Variants in RAD51B observed in about 807,000 individuals in gnomAD.
The protein encoded by RAD51B is RAD51 paralog B, also known as DNA repair protein RAD51 homolog 2.
RAD51B carries 38 observed loss-of-function variants against 42.2 expected under a neutral mutation model. The ratio of observed to expected loss-of-function variants is 0.90; its 90% CI spans 0.70 to 1.18. The LOEUF (loss-of-function observed/expected upper bound fraction) is 1.18, where lower values mean the gene tolerates loss of function less well. Ranked by LOEUF, RAD51B falls within the 50% of genes most tolerant of loss-of-function variation. The pLI, the probability that RAD51B is intolerant of heterozygous loss-of-function variation, is 0.00. For missense variants in RAD51B, 373 were observed against 400.7 expected, an observed-to-expected ratio of 0.93 and a Z score of 0.59; for synonymous variants, 154 against 145.2, an observed-to-expected ratio of 1.06 and a Z score of -0.43.
chr14:68,151,823 CTTTTTTTTTTTTTTTTTTTTTTTT>C (rs71129868), intron 7 of RAD51B, among the ~76,000 whole-genome samples: 23 of 39,992 alleles, frequency 5.8e-4, no homozygotes, highest in Admixed American at 1.6e-3. Flanking sequence ...GTTATAAAGA[CTTTTTTTTTTTTTTTTTTTTTTTT>C]TTTTTTTTTT....
At chr14:68,530,391 G>A (rs1887206077) in intron 10 of RAD51B, among the ~76,000 whole-genome samples, 1 of 136,098 alleles carries the variant, frequency 7.3e-6, no homozygotes. Context: ...AGGCTACAGT[G>A]AGCCATGATT....
In RAD51B at chr14:67,847,894, C is replaced by G. The variant is rs182367889; in HGVS notation, c.315+12698C>G. Reference sequence around the variant, plus strand: ...GTCAGTGGGGTGTTGAAGCCCCCCCCCATTTTTGTGTGGTTGTCTAAGTCT... The same window carrying G: ...GTCAGTGGGGTGTTGAAGCCCCCCCGCATTTTTGTGTGGTTGTCTAAGTCT... On this transcript the variant is annotated intron_variant, in intron 4 of 10. Coordinates refer to ENST00000471583, the MANE Select transcript of RAD51B (RefSeq NM_133510.4). Among the ~76,000 whole-genome samples, 3 of 152,186 alleles carry G rather than the reference C, an allele frequency of 2.0e-5. 1 individual carries two copies. Among genetic ancestry groups the G allele is most frequent in the East Asian group, 3.9e-4 (2 of 5,174 alleles).
intron 10 of RAD51B, among the ~76,000 whole-genome samples, chr14:68,570,297 G>A (rs1232314742): frequency 6.6e-6 from 1 of 152,178 alleles, no homozygotes; most frequent in Non-Finnish European, 1.5e-5. Flanking sequence ...AGGGGAGCCT[G>A]CGATTAGGAG....
intron 7 of RAD51B, among the ~76,000 whole-genome samples, chr14:68,272,655 A>ATTTTTTT (rs2081134331): frequency 6.7e-5 from 1 of 14,936 alleles, no homozygotes; most frequent in African/African-American, 3.4e-4. Flanking sequence ...ATATATATAT[A>ATTTTTTT]TATATATATA....
intron 7 of RAD51B, among the ~76,000 whole-genome samples, chr14:68,193,888 G>T (rs1344315234): frequency 1.3e-5 from 2 of 152,040 alleles, no homozygotes; most frequent in African/African-American, 4.8e-5. Flanking sequence ...TTATCTGTTA[G>T]AAATAATGGG....
rs577005326 is a variant in RAD51B, at chr14:67,824,432, A to AT, written c.84+810dup. On this transcript the variant is annotated intron_variant, in intron 2 of 10. Coordinates refer to ENST00000471583, the MANE Select transcript of RAD51B (RefSeq NM_133510.4). ...GCCACCACACCCAGCTAATTTTTGG[A>AT]TTTTTAGTAGAAACGGGGTTTCACC... Among the ~76,000 whole-genome samples the AT allele has an allele frequency of 6.6e-5, 10 of 152,070 alleles. No individual in the cohort carries two copies. The South Asian group carries it at 2.1e-3, about 32-fold the overall frequency.
chr14:68,323,357 C>T (rs1347628857), intron 8 of RAD51B, among the ~76,000 whole-genome samples: 1 of 152,224 alleles, frequency 6.6e-6, no homozygotes, highest in Admixed American at 6.5e-5. Context: ...AACCTTTACT[C>T]AGTGCTTATT....
At chr14:67,923,268 A>C (rs1233825627) in intron 7 of RAD51B, among the ~76,000 whole-genome samples, 2 of 147,786 alleles carry the variant, frequency 1.4e-5, no homozygotes, top group Admixed American at 1.3e-4. Context: ...ATATATATAT[A>C]TCACAATTTC....
chr14:68,356,139 A>G (rs949943916), intron 8 of RAD51B, among the ~76,000 whole-genome samples: 2 of 152,214 alleles, frequency 1.3e-5, no homozygotes, highest in Non-Finnish European at 1.5e-5. Flanking sequence ...CAGTGCATAT[A>G]AAAGTTATGT....
intron 7 of RAD51B, among the ~76,000 whole-genome samples, chr14:68,166,696 G>A (rs2243905): frequency 0.83 from 125,820 of 152,082 alleles, 52,251 homozygotes; most frequent in East Asian, 0.98. Flanking sequence ...TCCCAAACAT[G>A]TATTTCTAGG....
intron 10 of RAD51B, among the ~76,000 whole-genome samples, chr14:68,573,568 C>T (rs1293305813): frequency 6.6e-6 from 1 of 152,218 alleles, no homozygotes; most frequent in Non-Finnish European, 1.5e-5. Flanking sequence ...ATATATTTGT[C>T]ACCAAATAAC....
intron 7 of RAD51B, among the ~76,000 whole-genome samples, chr14:68,051,734 G>T (rs2076396629): frequency 6.6e-6 from 1 of 151,918 alleles, no homozygotes; most frequent in African/African-American, 2.4e-5. Flanking sequence ...AAGTAGCTAG[G>T]ACTACAGGTG....
intron 7 of RAD51B, among the ~76,000 whole-genome samples, chr14:68,127,088 T>C (rs1427538962): frequency 6.6e-5 from 10 of 152,226 alleles, no homozygotes. Context: ...CAAAGCACTT[T>C]GACCCTCTGT....
rs142944557 is a variant in RAD51B, at chr14:68,028,608, G to C, written c.756+141404G>C. On this transcript the variant is annotated intron_variant, in intron 7 of 10. Transcript: ENST00000471583. Reference sequence around the variant, plus strand: ...TGCTGGACCCTCAGAGTTGGGTTTTGGATATTTTGGGGGATCTGAAGTGCT... The same window carrying C: ...TGCTGGACCCTCAGAGTTGGGTTTTCGATATTTTGGGGGATCTGAAGTGCT... Among the ~76,000 whole-genome samples, 5 of 152,240 alleles carry C rather than the reference G, an allele frequency of 3.3e-5. No individual in the cohort carries two copies. The East Asian group carries it at 9.7e-4, about 29-fold the overall frequency.
intron 9 of RAD51B, among the ~76,000 whole-genome samples, chr14:68,421,437 G>A (rs1224046917): frequency 6.6e-6 from 1 of 152,088 alleles, no homozygotes; most frequent in Non-Finnish European, 1.5e-5. Context: ...ACTGATGGGT[G>A]CAATGAGTGG....
rs2043041406 is a variant in RAD51B, at chr14:67,885,763, A to G, written c.453-106A>G. 2.8e-6 allele frequency: 4 copies of G among 1,407,092 alleles called. No individual in the cohort carries two copies. In the South Asian group the frequency reaches 5.1e-5, roughly 18 times the overall value. The allele number at this position is 1,407,092 out of a possible 1,614,324, so 87.2% of individuals were successfully genotyped here. A position where few individuals can be genotyped will look rare whatever the true frequency, so the allele number is the denominator to read the frequency against. On this transcript the variant is annotated intron_variant, in intron 5 of 10. Transcript: ENST00000471583. ...AAGCCATTTTGCTTATACCTGCTCT[A>G]TTGATAAGGCTTAGGAGTTTCTCAA...
chr14:68,603,076 G>A (rs1566951713), intron 10 of RAD51B, among the ~76,000 whole-genome samples: 1 of 152,170 alleles, frequency 6.6e-6, no homozygotes, highest in Non-Finnish European at 1.5e-5. Flanking sequence ...GACTATCAAA[G>A]CTGCCCTTAC....
At chr14:68,216,833 A>G (rs966967279) in intron 7 of RAD51B, among the ~76,000 whole-genome samples, 5 of 152,158 alleles carry the variant, frequency 3.3e-5, no homozygotes, top group Non-Finnish European at 5.9e-5. Flanking sequence ...ACAGGGGTCA[A>G]GAGGAGCCTG....
At chr14:68,256,662 C>T (rs375127940) in intron 7 of RAD51B, among the ~76,000 whole-genome samples, 3 of 152,154 alleles carry the variant, frequency 2.0e-5, no homozygotes, top group East Asian at 3.8e-4. Flanking sequence ...TGCTTTTTCT[C>T]TGAGGCCTAT....
Sources: allele counts gnomAD v4.1 joint callset (sites outside exome capture counted in the v4.1 genomes callset), GRCh38; gene constraint gnomAD v4.1.1; transcripts MANE v1.5; gene names NCBI Gene and HGNC (gene_info 2026-07-23, HGNC 2026-07-21).